Variants in EXOC4 observed in about 807,000 individuals in gnomAD.
EXOC4 encodes SEC8-like 1.
EXOC4 carries 71 observed loss-of-function variants against 107.2 expected under a neutral mutation model. The ratio of observed to expected loss-of-function variants is 0.66; its 90% CI spans 0.55 to 0.81. EXOC4 has a LOEUF of 0.81. EXOC4 is among the 30% of genes least tolerant of loss of function. The pLI is 0.00. For missense variants in EXOC4, 1,108 were observed against 1,189.6 expected, an observed-to-expected ratio of 0.93 and a Z score of 1.01; for synonymous variants, 456 against 441.2, an observed-to-expected ratio of 1.03 and a Z score of -0.42.
chr7:133,928,348 T>C lies in EXOC4; in HGVS notation c.2028-9543T>C, dbSNP rs772148977. 4.6e-5 allele frequency among the ~76,000 whole-genome samples: 7 copies of C among 152,218 alleles called. No individual in the cohort carries two copies. The East Asian group carries it at 1.4e-3, about 29-fold the overall frequency. On this transcript the variant is annotated intron_variant, in intron 13 of 17. Coordinates refer to ENST00000253861, the MANE Select transcript of EXOC4 (RefSeq NM_021807.4). Reference sequence around the variant, plus strand: ...GAGACAAGGGCAAGCGGTGAGACGCTCTAGTAGCACTGCCGAAAGCCCGTG... The same window carrying C: ...GAGACAAGGGCAAGCGGTGAGACGCCCTAGTAGCACTGCCGAAAGCCCGTG...
At chr7:134,075,989 G>A in the EXOC4 span, among the ~76,000 whole-genome samples, 2 of 152,144 alleles carry the variant, frequency 1.3e-5, no homozygotes, top group Non-Finnish European at 2.9e-5. Flanking sequence ...TTTTGAGATT[G>A]TTTGTTACTG....
intron 9 of EXOC4, among the ~76,000 whole-genome samples, chr7:133,563,218 G>A (rs1800842600): frequency 6.6e-6 from 1 of 152,098 alleles, no homozygotes; most frequent in Admixed American, 6.6e-5. Context: ...TGAAGTGTTG[G>A]AAAGAAGGAA....
chr7:133,640,317 G>C (rs933645294), intron 10 of EXOC4, among the ~76,000 whole-genome samples: 3 of 152,098 alleles, frequency 2.0e-5, no homozygotes, highest in African/African-American at 7.2e-5. Flanking sequence ...TTTGGTGCCT[G>C]ACATTTGTGT....
At chr7:134,038,694 G>T (rs539298021) in intron 17 of EXOC4, among the ~76,000 whole-genome samples, 17 of 152,094 alleles carry the variant, frequency 1.1e-4, no homozygotes, top group Non-Finnish European at 1.8e-4. Context: ...ACGGCCCCAT[G>T]CCCTCATCTT....
At chr7:133,919,079 A>G (rs1585248474) in intron 13 of EXOC4, among the ~76,000 whole-genome samples, 4 of 152,300 alleles carry the variant, frequency 2.6e-5, no homozygotes, top group East Asian at 3.9e-4. Flanking sequence ...TCTCAAAACC[A>G]TGATTCTTGA....
chr7:133,903,223 G>A (rs1799494670), intron 12 of EXOC4, among the ~76,000 whole-genome samples: 1 of 152,226 alleles, frequency 6.6e-6, no homozygotes, highest in Non-Finnish European at 1.5e-5. Flanking sequence ...GGGATGCTGA[G>A]TACTACTCTG....
At chr7:133,498,386 C>A (rs1205809820) in intron 9 of EXOC4, among the ~76,000 whole-genome samples, 1 of 152,106 alleles carries the variant, frequency 6.6e-6, no homozygotes, top group Non-Finnish European at 1.5e-5. Context: ...GAGATTGAGA[C>A]CATCCTGGCT....
the EXOC4 span, among the ~76,000 whole-genome samples, chr7:134,087,060 T>C: frequency 6.6e-6 from 1 of 152,168 alleles, no homozygotes; most frequent in Non-Finnish European, 1.5e-5. Context: ...GACCTGTATC[T>C]TGTGCTGACC....
chr7:133,940,067 C>T (rs920731256), intron 14 of EXOC4, among the ~76,000 whole-genome samples: 1 of 152,120 alleles, frequency 6.6e-6, no homozygotes, highest in African/African-American at 2.4e-5. Flanking sequence ...AAGGGGTGCT[C>T]TCATTTAGTA....
At position 133,967,416 on chromosome 7, in the gene EXOC4, T is replaced by G. The variant is rs184189263; in HGVS notation, c.2206+29347T>G. Among the ~76,000 whole-genome samples, 217 of 152,352 alleles carry G rather than the reference T, an allele frequency of 1.4e-3. 2 individuals carry two copies. The highest frequency in any genetic ancestry group is 5.0e-3 in the African/African-American group (208 of 41,588). ...GCTTCTCTAGTTCTTTTAATTGTGA[T>G]GTTAGGGTCTCAATTTTAGATCTTT... On this transcript the variant is annotated intron_variant, in intron 14 of 17. Coordinates refer to ENST00000253861, the MANE Select transcript of EXOC4 (RefSeq NM_021807.4).
At chr7:133,885,777 A>C (rs1479937439) in intron 11 of EXOC4, among the ~76,000 whole-genome samples, 1 of 152,226 alleles carries the variant, frequency 6.6e-6, no homozygotes, top group Non-Finnish European at 1.5e-5. Context: ...GGTGCAGGCA[A>C]GGAGTCACTC....
rs535709061 is a variant in EXOC4 at position 133,339,102 on chromosome 7, T to C, written c.764-17228T>C. ...ATCTTTATAGCTTAGCTCCCACTTA[T>C]AAGTGAGAACATATGATGTTTGGTT... is the stretch of plus-strand genomic sequence containing the variant. On this transcript the variant is annotated intron_variant, in intron 5 of 17. Transcript: ENST00000253861. Among the ~76,000 whole-genome samples, 108 of 152,328 alleles carry C rather than the reference T, an allele frequency of 7.1e-4. 1 individual carries two copies. Among genetic ancestry groups the C allele is most frequent in the Non-Finnish European group, 8.5e-4 (58 of 68,022 alleles).
intron 10 of EXOC4, among the ~76,000 whole-genome samples, chr7:133,804,074 A>T (rs1407408227): frequency 2.0e-5 from 3 of 152,208 alleles, no homozygotes; most frequent in Non-Finnish European, 4.4e-5. Flanking sequence ...CTAAAAGGCA[A>T]TACTGTCTTC....
At chr7:133,654,576 G>A (rs1431114243) in intron 10 of EXOC4, among the ~76,000 whole-genome samples, 1 of 152,130 alleles carries the variant, frequency 6.6e-6, no homozygotes, top group Non-Finnish European at 1.5e-5. Context: ...GTTATGGATA[G>A]AGCAAACTGA....
At position 133,289,099 on chromosome 7, in the gene EXOC4, A is replaced by G; in HGVS notation, c.454A>G (p.Ser152Gly). The G allele has an allele frequency of 6.2e-7, 1 of 1,613,504 alleles. No homozygotes were observed. Among genetic ancestry groups the G allele is most frequent in the Non-Finnish European group, 8.5e-7 (1 of 1,179,460 alleles). ...GTGCATGGCCAGCAAGCACTATCTC[A>G]GTGCCACTGACATGTTGGTAAGAGA... Reference protein sequence around the residue: ...EQCMASKHYLSATDMLVSAVE... With the variant: ...EQCMASKHYLGATDMLVSAVE... The change falls in exon 3 of 18, where the codon AGT becomes GGT. Residue 152 changes from serine (S) to glycine (G), a missense_variant. Physicochemically the swap from Ser to Gly is moderately conservative, Grantham distance 56. Coordinates refer to ENST00000253861, the MANE Select transcript of EXOC4 (RefSeq NM_021807.4).
At chr7:134,094,034 A>C in the EXOC4 span, among the ~76,000 whole-genome samples, 1 of 152,286 alleles carries the variant, frequency 6.6e-6, no homozygotes, top group East Asian at 1.9e-4. Context: ...AGAGCAAATG[A>C]ACCCCAGAGC....
the EXOC4 span, among the ~76,000 whole-genome samples, chr7:134,075,586 G>C: frequency 6.6e-6 from 1 of 152,132 alleles, no homozygotes; most frequent in Non-Finnish European, 1.5e-5. Context: ...CATTGTGGGG[G>C]AAACTGCCCC....
intron 10 of EXOC4, among the ~76,000 whole-genome samples, chr7:133,634,736 C>A (rs556665664): frequency 7.9e-5 from 12 of 152,292 alleles, no homozygotes; most frequent in Admixed American, 7.8e-4. Context: ...CCCGCCTCGG[C>A]CTCCCAAAAT....
chr7:133,302,941 ATT>A (rs1482707079), intron 3 of EXOC4, among the ~76,000 whole-genome samples: 2 of 152,188 alleles, frequency 1.3e-5, no homozygotes, highest in African/African-American at 2.4e-5. Flanking sequence ...TCTTTTTATC[ATT>A]AATTATGCAC....
Sources: allele counts gnomAD v4.1 joint callset (sites outside exome capture counted in the v4.1 genomes callset), GRCh38; gene constraint gnomAD v4.1.1; transcripts MANE v1.5; gene names NCBI Gene and HGNC (gene_info 2026-07-23, HGNC 2026-07-21).